The following GIT2 variants were observed in gnomAD, a reference collection of about 807,000 sequenced individuals.
GIT2 encodes the protein GIT ArfGAP 2, also known as ARF GTPase-activating protein GIT2.
In GIT2, 32 loss-of-function variants were observed where a neutral mutation model predicts 100.3. The ratio of observed to expected loss-of-function variants is 0.32; its 90% CI spans 0.24 to 0.43. The LOEUF is 0.43. Among genes scored for constraint, GIT2 ranks in the 20% least tolerant of loss-of-function variants. GIT2 has a pLI of 1.00. For missense variants in GIT2, 737 were observed against 975.1 expected (o/e 0.76, Z 3.25); for synonymous variants, 353 against 364.1 (o/e 0.97, Z 0.35).
intron 9 of GIT2, 70 bp from the exon 10 acceptor site, chr12:109,961,755 C>T: frequency 2.3e-6 from 2 of 878,464 alleles, no homozygotes; most frequent in South Asian, 1.3e-5. Flanking sequence ...GGAACTGCGA[C>T]TTAGTCACCC....
At chr12:109,989,305 T>C (rs1219158955) in intron 3 of GIT2, among the ~76,000 whole-genome samples, 3 of 152,210 alleles carry the variant, frequency 2.0e-5, no homozygotes, top group African/African-American at 7.2e-5. Flanking sequence ...CTCTGTGTAA[T>C]TGTCTGAACT....
At chr12:109,951,039 G>T in intron 14 of GIT2, 128 bp downstream of exon 14, 1 of 804,606 alleles carries the variant, frequency 1.2e-6, no homozygotes, top group Non-Finnish European at 2.1e-6. Context: ...AGACAACTTG[G>T]CCCAAAGATT....
At chr12:110,000,135 A>G (rs533212176), upstream of GIT2, among the ~76,000 whole-genome samples, 9 of 152,340 alleles carry the variant, frequency 5.9e-5, no homozygotes, top group African/African-American at 1.9e-4. Flanking sequence ...TGGCTCCGGA[A>G]TGCACCGTCT....
At position 109,938,768 on chromosome 12, in the gene GIT2, C is replaced by G. The variant is rs1157208657; in HGVS notation, c.1815-200G>C. ...TACCATAGGGCTGGAAGTGTTGACTCTCACAGGAAGGGTGAAGGAGGGGAA... is the reference window on the plus strand; with the variant it reads ...TACCATAGGGCTGGAAGTGTTGACTGTCACAGGAAGGGTGAAGGAGGGGAA... On this transcript the variant is annotated intron_variant, in intron 17 of 19. Transcript: ENST00000355312. The G allele has an allele frequency of 9.4e-6, 5 of 529,696 alleles. No homozygotes were observed. The East Asian group carries it at 1.2e-4, about 13-fold the overall frequency. 32.8% of individuals were successfully genotyped at this position (529,696 alleles called of 1,614,324 possible).
upstream of GIT2, chr12:109,998,149 G>A (rs1031007127): frequency 6.6e-6 from 1 of 152,240 alleles, no homozygotes; most frequent in East Asian, 1.9e-4. Context: ...GAGAAGTGCT[G>A]GAAAAGGCCT....
At chr12:109,971,405 A>G (rs941108543) in intron 7 of GIT2, among the ~76,000 whole-genome samples, 1 of 151,922 alleles carries the variant, frequency 6.6e-6, no homozygotes, top group Non-Finnish European at 1.5e-5. Flanking sequence ...GGCTCACTGC[A>G]ACCTCTACCT....
chr12:109,953,208 T>C lies in GIT2; in HGVS notation c.1126A>G (p.Ile376Val). ...KDNVELILKT[I>V]NNQHSVESQD... ...CTCTCAACGCTGTGCTGGTTATTGA[T>C]GGTTTTCAGTATGAGCTCCACATTG... Residue 376 changes from isoleucine to valine, a missense_variant, in exon 13 of 20, where the codon ATC becomes GTC. Coordinates refer to ENST00000355312, the MANE Select transcript of GIT2 (RefSeq NM_057169.5). 6.2e-7 allele frequency: 1 copy of C among 1,614,072 alleles called. No homozygotes were observed. Among genetic ancestry groups the C allele is most frequent in the Non-Finnish European group, 8.5e-7 (1 of 1,179,886 alleles).
rs1873677975 is a variant in GIT2 at position 109,938,522 on chromosome 12, C to G, written c.1861G>C (p.Gly621Arg). 6.2e-7 allele frequency: 1 copy of G among 1,612,088 alleles called. No individual in the cohort carries two copies. The highest frequency in any genetic ancestry group is 1.1e-5 in the South Asian group (1 of 90,800). Residue 621 changes from glycine to arginine, a missense_variant, in exon 18 of 20, where the codon GGC becomes CGC. Physicochemically the swap from Gly to Arg is moderately radical, Grantham distance 125. Coordinates refer to ENST00000355312, the MANE Select transcript of GIT2 (RefSeq NM_057169.5). ...RQRSMVWPGD[G>R]LVPDTAEPHV... ...GGTTCTGCTGTGTCTGGTACCAAGC[C>G]ATCCCCTGGCCACACCATACTTCTT...
At chr12:109,943,891 C>A (rs1464781632) in intron 16 of GIT2, among the ~76,000 whole-genome samples, 2 of 152,074 alleles carry the variant, frequency 1.3e-5, no homozygotes, top group Non-Finnish European at 2.9e-5. Context: ...TGGGATTTCG[C>A]CATGTTGCTG....
intron 1 of GIT2, 22 bp downstream of exon 1, chr12:109,996,151 G>A (rs749611996): frequency 3.4e-6 from 5 of 1,472,056 alleles, no homozygotes; most frequent in Non-Finnish European, 4.6e-6. Context: ...AGAGGGGAGC[G>A]GGCCCGGCCG....
intron 16 of GIT2, among the ~76,000 whole-genome samples, chr12:109,944,194 TAAAA>T (rs964369827): frequency 6.6e-6 from 1 of 151,834 alleles, no homozygotes; most frequent in Non-Finnish European, 1.5e-5. Flanking sequence ...AAATAAAAAA[TAAAA>T]AAACGAATCC....
chr12:109,939,086 C>T (rs1873857879), intron 17 of GIT2, 79 bp downstream of exon 17: 2 of 798,438 alleles, frequency 2.5e-6, no homozygotes, highest in South Asian at 2.7e-5. Context: ...GTGTGGTGAA[C>T]TGCTTCTGCT....
In GIT2 at chr12:109,938,415, C is replaced by G; in HGVS notation, c.1968G>C (p.Glu656Asp). The change falls in exon 18 of 20, where the codon GAG becomes GAC. Residue 656 changes from glutamate to aspartate, a missense_variant. Coordinates refer to ENST00000355312, the MANE Select transcript of GIT2 (RefSeq NM_057169.5). Reference protein sequence around the residue: ...KTEQITKNIQELLRAAQENKH... With the variant: ...KTEQITKNIQDLLRAAQENKH... The stretch of plus-strand genomic sequence containing the variant: ...TATTTTCTTGGGCTGCTCTTAAGAG[C>G]TCCTGTATGTTTTTGGTGATCTGTT... The G allele has an allele frequency of 6.2e-7, 1 of 1,613,828 alleles. No homozygotes were observed. Among genetic ancestry groups the G allele is most frequent in the East Asian group, 2.2e-5 (1 of 44,860 alleles).
intron 1 of GIT2, 28 bp downstream of exon 1, chr12:109,996,145 G>C (rs1232601957): frequency 6.9e-7 from 1 of 1,441,630 alleles, no homozygotes; most frequent in South Asian, 1.3e-5. Flanking sequence ...GAAAGCAGAG[G>C]GGAGCGGGCC....
chr12:109,971,417 A>G (rs1425300557), intron 7 of GIT2, among the ~76,000 whole-genome samples: 1 of 151,778 alleles, frequency 6.6e-6, no homozygotes, highest in Non-Finnish European at 1.5e-5. Context: ...CCTCTACCTC[A>G]CAGGTTCAAG....
rs985858498 is a variant in GIT2 at position 109,934,802 on chromosome 12, G to A, written c.2004-717C>T. ...TTATAATTAAAACTGTCGGCCGGGC[G>A]CAGTGGCTCACGCCTGTAATCCCAG... On this transcript the variant is annotated intron_variant, in intron 18 of 19. Transcript: ENST00000355312. This position sits in a 1 kb window ranked among gnomAD's most constrained non-coding sequence, Gnocchi z 4.5. Among the ~76,000 whole-genome samples the A allele has an allele frequency of 5.3e-5, 8 of 152,314 alleles. No homozygotes were observed. Among genetic ancestry groups the A allele is most frequent in the East Asian group, 3.9e-4 (2 of 5,172 alleles).
chr12:109,957,413 T>C (rs1254912306), intron 12 of GIT2, among the ~76,000 whole-genome samples: 2 of 152,168 alleles, frequency 1.3e-5, no homozygotes, highest in Admixed American at 1.3e-4. Context: ...AATAAACCTT[T>C]TTTCTTTACG....
At chr12:109,964,620 G>GACACACACACACACAC (rs58007337) in intron 9 of GIT2, among the ~76,000 whole-genome samples, 77 of 119,054 alleles carry the variant, frequency 6.5e-4, no homozygotes, top group East Asian at 4.0e-3. Flanking sequence ...TTAATCTAAA[G>GACACACACACACACAC]ACACACACAC....
chr12:109,985,425 G>C (rs893394968), intron 4 of GIT2, among the ~76,000 whole-genome samples: 1 of 151,956 alleles, frequency 6.6e-6, no homozygotes, highest in Admixed American at 6.6e-5. Flanking sequence ...AAAAAGGGGG[G>C]GGAAAAAAGG....
Sources: gnomAD v4.1 joint callset for allele counts (sites outside exome capture counted in the v4.1 genomes callset) on GRCh38, gnomAD v4.1.1 for gene constraint, Gnocchi (gnomAD v3.1) non-coding constraint, MANE v1.5 for transcripts, NCBI Gene and HGNC (gene_info 2026-07-23, HGNC 2026-07-21) for gene names.